Variants in SPOCK1 observed in about 807,000 individuals in gnomAD.
The protein encoded by SPOCK1 is SPARC (osteonectin), cwcv and kazal like domains proteoglycan 1, also known as testican-1.
Under a neutral mutation model 55.3 loss-of-function variants are expected in SPOCK1, and 23 were observed. The observed-to-expected ratio is 0.42, with a 90% CI of 0.30 to 0.59. SPOCK1 has a LOEUF of 0.59. Among genes scored for constraint, SPOCK1 ranks in the 20% least tolerant of loss-of-function variants. SPOCK1 has a pLI of 0.22. For synonymous variants in SPOCK1, 226 were observed against 221.0 expected (o/e 1.02, Z -0.20); for missense variants, 499 against 552.5 (o/e 0.90, Z 0.97).
At chr5:137,088,578 C>T (rs963962030) in intron 5 of SPOCK1, among the ~76,000 whole-genome samples, 6 of 152,204 alleles carry the variant, frequency 3.9e-5, no homozygotes, top group Non-Finnish European at 8.8e-5. Flanking sequence ...CACCCACCTT[C>T]ACCCCCAGTC....
At chr5:137,006,154 G>A (rs1483395214) in intron 6 of SPOCK1, among the ~76,000 whole-genome samples, 8 of 152,126 alleles carry the variant, frequency 5.3e-5, no homozygotes, top group Admixed American at 3.9e-4. Flanking sequence ...TCCCAGCTTC[G>A]TTCTTTTTGC....
chr5:137,483,912 G>A (rs188365764), intron 2 of SPOCK1, among the ~76,000 whole-genome samples: 33 of 152,294 alleles, frequency 2.2e-4, no homozygotes, highest in Admixed American at 1.5e-3. Context: ...GACAGCACCC[G>A]GGGAAGCCCT....
intron 2 of SPOCK1, among the ~76,000 whole-genome samples, chr5:137,356,844 G>T (rs1365197528): frequency 2.1e-3 from 132 of 62,782 alleles, no homozygotes; most frequent in Non-Finnish European, 2.6e-3. Context: ...TATATAGAGA[G>T]AGAGAGAGAG....
intron 4 of SPOCK1, among the ~76,000 whole-genome samples, chr5:137,121,109 T>C (rs924691649): frequency 6.6e-6 from 1 of 152,230 alleles, no homozygotes; most frequent in Non-Finnish European, 1.5e-5. Context: ...AAACACTTAT[T>C]AATTACCTAG....
intron 2 of SPOCK1, among the ~76,000 whole-genome samples, chr5:137,437,551 T>C (rs1284203810): frequency 3.9e-5 from 6 of 152,184 alleles, no homozygotes; most frequent in Non-Finnish European, 8.8e-5. Context: ...TTTTTTTAAA[T>C]TGTGGTAAAA....
At chr5:137,308,359 C>T (rs903357434) in intron 2 of SPOCK1, among the ~76,000 whole-genome samples, 7 of 152,208 alleles carry the variant, frequency 4.6e-5, no homozygotes, top group African/African-American at 1.7e-4. Context: ...AAGCATTTCT[C>T]ATTCTCCTTT....
At chr5:137,244,248 C>T (rs1317679381) in intron 3 of SPOCK1, among the ~76,000 whole-genome samples, 1 of 152,160 alleles carries the variant, frequency 6.6e-6, no homozygotes, top group Non-Finnish European at 1.5e-5. Context: ...GCTAGTGGCA[C>T]AGGGATCCAC....
At position 137,160,624 on chromosome 5, in the gene SPOCK1, T is replaced by TATATAATATATTA. The variant is rs1561631839; in HGVS notation, c.233-19931_233-19930insTAATATATTATAT. Among the ~76,000 whole-genome samples, 501 of 69,330 alleles carry TATATAATATATTA rather than the reference T, an allele frequency of 7.2e-3. 12 individuals are homozygous for TATATAATATATTA. The highest frequency in any genetic ancestry group is 0.031 in the African/African-American group (494 of 15,690). 45.5% of individuals were successfully genotyped at this position (69,330 alleles called of 152,430 possible). A position where few individuals can be genotyped will look rare whatever the true frequency, so the allele number is the denominator to read the frequency against. ...TTATATATAATATATAATATATATT[T>TATATAATATATTA]TATATAATATATAATATATATTTTA... On this transcript the variant is annotated intron_variant, in intron 3 of 10. Coordinates refer to ENST00000394945, the MANE Select transcript of SPOCK1 (RefSeq NM_004598.4).
At chr5:137,324,494 TTG>T (rs953667955) in intron 2 of SPOCK1, among the ~76,000 whole-genome samples, 14 of 152,060 alleles carry the variant, frequency 9.2e-5, no homozygotes, top group Non-Finnish European at 1.5e-5. Context: ...CTGGAAGACG[TTG>T]TGTTAAATAA....
chr5:136,992,129 AC>A (rs1316781866), intron 7 of SPOCK1, among the ~76,000 whole-genome samples: 1 of 152,206 alleles, frequency 6.6e-6, no homozygotes, highest in Non-Finnish European at 1.5e-5. Flanking sequence ...AATACTATTC[AC>A]AACATGAAAA....
At chr5:137,098,862 G>A (rs149964669) in intron 5 of SPOCK1, among the ~76,000 whole-genome samples, 7 of 152,246 alleles carry the variant, frequency 4.6e-5, no homozygotes, top group Middle Eastern at 3.4e-3. Context: ...CAGGCTCCAC[G>A]GGCCACCTCA....
At chr5:137,158,741 G>A (rs1351487746) in intron 3 of SPOCK1, among the ~76,000 whole-genome samples, 1 of 152,026 alleles carries the variant, frequency 6.6e-6, no homozygotes, top group African/African-American at 2.4e-5. Flanking sequence ...GGAGTCTCGG[G>A]GGCACCATAA....
chr5:137,304,075 T>G (rs1397536758), intron 2 of SPOCK1, among the ~76,000 whole-genome samples: 12 of 78,458 alleles, frequency 1.5e-4, no homozygotes, highest in Middle Eastern at 5.6e-3. Flanking sequence ...GTTTTTTTTT[T>G]TTTTTTTGGT....
chr5:137,184,802 C>T (rs1417438786), intron 3 of SPOCK1, among the ~76,000 whole-genome samples: 1 of 152,104 alleles, frequency 6.6e-6, no homozygotes, highest in Non-Finnish European at 1.5e-5. Context: ...AATGCCCCCT[C>T]TCCCTCCTGA....
chr5:137,330,677 C>T (rs907940690), intron 2 of SPOCK1, among the ~76,000 whole-genome samples: 1 of 152,308 alleles, frequency 6.6e-6, no homozygotes, highest in Admixed American at 6.5e-5. Context: ...TGAGGCCATG[C>T]CTACATGAGC....
At chr5:137,266,046 T>C (rs1756843184) in intron 3 of SPOCK1, among the ~76,000 whole-genome samples, 1 of 152,214 alleles carries the variant, frequency 6.6e-6, no homozygotes, top group Non-Finnish European at 1.5e-5. Flanking sequence ...TAATACCATT[T>C]TTGCTTACGA....
At chr5:137,123,873 T>A (rs757424) in intron 4 of SPOCK1, among the ~76,000 whole-genome samples, 71,637 of 151,840 alleles carry the variant, frequency 0.47, 17,064 homozygotes, top group Middle Eastern at 0.51. Flanking sequence ...ATGAGATAGA[T>A]CCACAAAAAT....
chr5:137,113,697 G>A (rs1753518148), intron 4 of SPOCK1, among the ~76,000 whole-genome samples: 1 of 152,218 alleles, frequency 6.6e-6, no homozygotes, highest in South Asian at 2.1e-4. Context: ...ATAGGAAGCA[G>A]TAAAAATGGT....
At chr5:137,179,309 G>C (rs1754921907) in intron 3 of SPOCK1, among the ~76,000 whole-genome samples, 1 of 152,110 alleles carries the variant, frequency 6.6e-6, no homozygotes, top group Non-Finnish European at 1.5e-5. Flanking sequence ...TCCTCTGAGG[G>C]CATTTGATTT....
Sources: allele counts gnomAD v4.1 joint callset (sites outside exome capture counted in the v4.1 genomes callset), GRCh38; gene constraint gnomAD v4.1.1; transcripts MANE v1.5; gene names NCBI Gene and HGNC (gene_info 2026-07-23, HGNC 2026-07-21).